ANO3: variants seen among roughly 807,000 people sequenced by gnomAD.
ANO3 encodes anoctamin 3.
ANO3 carries 99 observed loss-of-function variants against 144.8 expected under a neutral mutation model. That is an observed-to-expected ratio of 0.68 (90% confidence interval 0.58 to 0.81). The LOEUF (loss-of-function observed/expected upper bound fraction) is 0.81. Among genes scored for constraint, ANO3 ranks in the 30% least tolerant of loss-of-function variants. The pLI is 0.00. For missense variants in ANO3, 905 were observed against 1,202.2 expected (o/e 0.75, Z 3.66); for synonymous variants, 414 against 392.6 (o/e 1.05, Z -0.64).
chr11:26,400,814 T>A (rs1378252763), intron 1 of ANO3, among the ~76,000 whole-genome samples: 1 of 150,754 alleles, frequency 6.6e-6, no homozygotes, highest in East Asian at 2.0e-4. Flanking sequence ...ATTAATAGTG[T>A]TTACCATAGC....
rs143194925 is a variant in ANO3, at chr11:26,624,282, A to C, written c.1837-180A>C. Among the ~76,000 whole-genome samples, 1,918 of 152,350 alleles carry C rather than the reference A, an allele frequency of 0.013. 31 individuals are homozygous for C. The highest frequency in any genetic ancestry group is 0.051 in the Middle Eastern group (15 of 292). ...CATTTACATTCACATATATTATATC[A>C]ATTTCATTCATGTATGTATATATAA... On this transcript the variant is annotated intron_variant, in intron 17 of 26. Transcript: ENST00000256737.
chr11:26,287,454 G>A (rs1226360262), intron 1 of ANO3: 1 of 152,112 alleles, frequency 6.6e-6, no homozygotes, highest in South Asian at 2.1e-4. Context: ...CAGAGAGGTC[G>A]AGTGATTTAT....
In ANO3 at chr11:26,510,147, A is replaced by G. The variant is rs1590436661; in HGVS notation, c.591+1885A>G. 3.4e-5 allele frequency among the ~76,000 whole-genome samples: 5 copies of G among 147,714 alleles called. 1 individual carries two copies. Among genetic ancestry groups the G allele is most frequent in the Admixed American group, 6.9e-5 (1 of 14,538 alleles). The stretch of plus-strand genomic sequence containing the variant: ...GACTCCATCTCAAAAAAAAAAAAAA[A>G]AAAAAAGAGTAGAAAAGAAAAACTA... On this transcript the variant is annotated intron_variant, in intron 5 of 26. Coordinates refer to ENST00000256737, the MANE Select transcript of ANO3 (RefSeq NM_031418.4).
intron 1 of ANO3, among the ~76,000 whole-genome samples, chr11:26,358,387 G>A (rs1165108822): frequency 1.3e-5 from 2 of 152,002 alleles, no homozygotes; most frequent in Non-Finnish European, 2.9e-5. Flanking sequence ...GGCCAGAATG[G>A]CCTTGATCTC....
At chr11:26,437,720 A>T (rs1858344784) in intron 1 of ANO3, among the ~76,000 whole-genome samples, 1 of 152,168 alleles carries the variant, frequency 6.6e-6, no homozygotes, top group African/African-American at 2.4e-5. Flanking sequence ...TGCAGTGTCT[A>T]TTCTTCCCAT....
chr11:26,632,276 G>A (rs377143345), intron 18 of ANO3, among the ~76,000 whole-genome samples: 96 of 151,096 alleles, frequency 6.4e-4, no homozygotes, highest in African/African-American at 2.0e-3. Context: ...GACTGGATGC[G>A]GTGAGTCACT....
intron 1 of ANO3, among the ~76,000 whole-genome samples, chr11:26,421,264 C>T (rs1184040045): frequency 6.6e-6 from 1 of 151,946 alleles, no homozygotes; most frequent in Non-Finnish European, 1.5e-5. Context: ...CTACATAGCT[C>T]AAGTAATCAC....
At chr11:26,429,187 A>G (rs886814350) in intron 1 of ANO3, among the ~76,000 whole-genome samples, 120 of 152,232 alleles carry the variant, frequency 7.9e-4, no homozygotes, top group African/African-American at 2.8e-3. Flanking sequence ...ACTGCTGCTG[A>G]CCACTGATAC....
At chr11:26,521,467 T>C (rs1165780366) in intron 6 of ANO3, among the ~76,000 whole-genome samples, 2 of 152,162 alleles carry the variant, frequency 1.3e-5, no homozygotes, top group African/African-American at 4.8e-5. Flanking sequence ...ATCTAAATTT[T>C]CTGCTTGGAT....
intron 1 of ANO3, among the ~76,000 whole-genome samples, chr11:26,338,650 G>A (rs545381121): frequency 2.6e-5 from 4 of 152,168 alleles, no homozygotes; most frequent in Non-Finnish European, 4.4e-5. Context: ...AGCACTCACC[G>A]CGAGGGTCTC....
At chr11:26,634,136 C>A in intron 18 of ANO3, 68 bp from the exon 19 acceptor site, 1 of 829,738 alleles carries the variant, frequency 1.2e-6, no homozygotes, top group Non-Finnish European at 1.9e-6. Flanking sequence ...GGGGTTTCTG[C>A]CTCCATGTCC....
chr11:26,510,153 AG>A (rs56886058), intron 5 of ANO3, among the ~76,000 whole-genome samples: 29 of 128,510 alleles, frequency 2.3e-4, no homozygotes, highest in Middle Eastern at 4.3e-3. Flanking sequence ...AAAAAAAAAA[AG>A]AGTAGAAAAG....
At chr11:26,456,091 C>T (rs1191556547) in intron 3 of ANO3, among the ~76,000 whole-genome samples, 1 of 151,736 alleles carries the variant, frequency 6.6e-6, no homozygotes, top group Non-Finnish European at 1.5e-5. Context: ...GATTAAAGAC[C>T]TAAACATTAG....
intron 1 of ANO3, among the ~76,000 whole-genome samples, chr11:26,290,493 T>C (rs1368246236): frequency 6.6e-6 from 1 of 152,200 alleles, no homozygotes; most frequent in Non-Finnish European, 1.5e-5. Flanking sequence ...TTCTTTTAAT[T>C]GTGATGTTAG....
Position 26,599,613 on chromosome 11 carries a change from T to C in ANO3, c.1735T>C (p.Phe579Leu). ...GTACCGCCTGGTTGTCATGGAACAG[T>C]TTGCATCATTCAAGTGGAATTTCAT... ...VVYRLVVMEQ[F>L]ASFKWNFIKQ... The change falls in exon 17 of 27, where the codon TTT becomes CTT. Residue 579 changes from phenylalanine to leucine, a missense_variant. This residue lies in a region of ANO3 where 597 missense variants were observed against 865.1 expected (regional missense o/e 0.69). Transcript: ENST00000256737. The C allele has an allele frequency of 3.1e-6, 5 of 1,614,136 alleles. No homozygotes were observed. The highest frequency in any genetic ancestry group is 4.2e-6 in the Non-Finnish European group (5 of 1,180,020).
At chr11:26,440,634 T>C (rs1590360886) in intron 1 of ANO3, among the ~76,000 whole-genome samples, 2 of 152,050 alleles carry the variant, frequency 1.3e-5, no homozygotes, top group East Asian at 3.9e-4. Flanking sequence ...TGATAAGAAG[T>C]TGTGGAAGAG....
intron 20 of ANO3, among the ~76,000 whole-genome samples, chr11:26,638,770 A>T (rs1234271531): frequency 6.6e-6 from 1 of 152,192 alleles, no homozygotes; most frequent in Admixed American, 6.6e-5. Flanking sequence ...GGTTATTAAA[A>T]ACAATATATT....
chr11:26,626,801 C>A (rs1448044253), intron 18 of ANO3, among the ~76,000 whole-genome samples: 1 of 151,090 alleles, frequency 6.6e-6, no homozygotes, highest in Non-Finnish European at 1.5e-5. Flanking sequence ...TTCTTTCTTC[C>A]TTTTCTATGA....
At chr11:26,627,791 G>A (rs1852634381) in intron 18 of ANO3, among the ~76,000 whole-genome samples, 1 of 147,280 alleles carries the variant, frequency 6.8e-6, no homozygotes, top group Admixed American at 7.0e-5. Flanking sequence ...AATATTGATA[G>A]TTTGATTAAA....
Sources: gnomAD v4.1 joint callset for allele counts (sites outside exome capture counted in the v4.1 genomes callset) on GRCh38, gnomAD v4.1.1 for gene constraint, gnomAD v4.1.1 regional missense constraint, MANE v1.5 for transcripts, NCBI Gene and HGNC (gene_info 2026-07-23, HGNC 2026-07-21) for gene names.